The following ITPR1 variants were observed in gnomAD, a reference collection of about 807,000 sequenced individuals.
ITPR1 encodes the protein inositol 1,4,5-trisphosphate-gated calcium channel ITPR1.
Under a neutral mutation model 318.4 loss-of-function variants are expected in ITPR1, and 96 were observed. The ratio of observed to expected loss-of-function variants is 0.30; its 90% CI spans 0.26 to 0.36. ITPR1 has a LOEUF of 0.36. ITPR1 is among the 10% of genes least tolerant of loss of function. ITPR1 has a pLI of 1.00. For missense variants in ITPR1, 2,440 were observed against 3,460.2 expected, an observed-to-expected ratio of 0.71 and a Z score of 7.40; for synonymous variants, 1,312 against 1,289.9, an observed-to-expected ratio of 1.02 and a Z score of -0.37.
chr3:4,656,491 TG>T (rs2093711646), intron 12 of ITPR1, among the ~76,000 whole-genome samples: 1 of 152,192 alleles, frequency 6.6e-6, no homozygotes, highest in Non-Finnish European at 1.5e-5. Flanking sequence ...ATAAAGGGTC[TG>T]GGGTTTGTGC....
intron 13 of ITPR1, among the ~76,000 whole-genome samples, chr3:4,658,615 A>G (rs1182271627): frequency 1.3e-5 from 2 of 151,338 alleles, no homozygotes; most frequent in African/African-American, 2.4e-5. Context: ...GAGTAGAGGA[A>G]ACTAGGAAAT....
chr3:4,622,185 G>C (rs901664511), intron 4 of ITPR1, among the ~76,000 whole-genome samples: 1 of 145,632 alleles, frequency 6.9e-6, no homozygotes, highest in African/African-American at 2.6e-5. Context: ...CGTGATCTCA[G>C]CTCCCTGCAG....
At chr3:4,516,891 T>C (rs1447183239) in intron 3 of ITPR1, among the ~76,000 whole-genome samples, 1 of 152,210 alleles carries the variant, frequency 6.6e-6, no homozygotes, top group Non-Finnish European at 1.5e-5. Context: ...ACAGTTTAAA[T>C]GGAATAAAGT....
At chr3:4,706,607 G>A (rs1472571197) in intron 37 of ITPR1, among the ~76,000 whole-genome samples, 1 of 152,188 alleles carries the variant, frequency 6.6e-6, no homozygotes, top group African/African-American at 2.4e-5. Context: ...TTGGGACTCT[G>A]CTCTTATTAG....
At chr3:4,619,580 C>T (rs563520487) in intron 4 of ITPR1, among the ~76,000 whole-genome samples, 3 of 109,290 alleles carry the variant, frequency 2.7e-5, no homozygotes, top group South Asian at 7.0e-4. Context: ...TTCCCCTTCC[C>T]CCTTCCCCTG....
intron 4 of ITPR1, among the ~76,000 whole-genome samples, chr3:4,577,274 T>C (rs187227250): frequency 1.1e-4 from 17 of 152,320 alleles, no homozygotes; most frequent in African/African-American, 4.1e-4. Flanking sequence ...AGTTCTTTCA[T>C]TGTATGCAAT....
Position 4,815,985 on chromosome 3 carries a change from TACACACAC to T in ITPR1, c.7867+791_7867+798del, listed in dbSNP as rs10607666. On this transcript the variant is annotated intron_variant, in intron 59 of 61. Transcript: ENST00000649015. ...TTAATATTTTATCTCATTTGCTTTA[TACACACAC>T]ACACACACACACACACACACACATT... Among the ~76,000 whole-genome samples the T allele has an allele frequency of 2.8e-3, 421 of 149,692 alleles. 5 individuals carry two copies. Among genetic ancestry groups the T allele is most frequent in the South Asian group, 0.017 (82 of 4,704 alleles).
chr3:4,686,550 T>G (rs1412524727), intron 30 of ITPR1, among the ~76,000 whole-genome samples: 4 of 152,220 alleles, frequency 2.6e-5, no homozygotes, highest in Non-Finnish European at 5.9e-5. Context: ...TATGCCTTCA[T>G]AGAGCAGGCT....
intron 39 of ITPR1, among the ~76,000 whole-genome samples, chr3:4,714,301 C>T (rs1226676122): frequency 6.6e-6 from 1 of 151,918 alleles, no homozygotes; most frequent in African/African-American, 2.4e-5. Flanking sequence ...CTGAGGACGA[C>T]ACCACGGTGA....
At chr3:4,597,110 G>T (rs2090890238) in intron 4 of ITPR1, among the ~76,000 whole-genome samples, 1 of 152,192 alleles carries the variant, frequency 6.6e-6, no homozygotes, top group Non-Finnish European at 1.5e-5. Context: ...GCAGAAATAT[G>T]AGCCCCGTGG....
At chr3:4,529,106 C>T (rs964885715) in intron 4 of ITPR1, among the ~76,000 whole-genome samples, 10 of 152,144 alleles carry the variant, frequency 6.6e-5, no homozygotes, top group African/African-American at 2.4e-4. Context: ...CTCTGGGTAC[C>T]CTGAAAATGA....
chr3:4,567,160 T>C (rs2087385946), intron 4 of ITPR1, among the ~76,000 whole-genome samples: 1 of 152,206 alleles, frequency 6.6e-6, no homozygotes, highest in African/African-American at 2.4e-5. Context: ...TGGTCTGTAA[T>C]GTGTTCAATT....
intron 3 of ITPR1, among the ~76,000 whole-genome samples, chr3:4,518,046 T>C (rs1365647989): frequency 6.6e-6 from 1 of 152,218 alleles, no homozygotes; most frequent in Non-Finnish European, 1.5e-5. Flanking sequence ...GCAAAGTCAC[T>C]TGCCCAAGAT....
intron 4 of ITPR1, among the ~76,000 whole-genome samples, chr3:4,610,772 G>C (rs1314960112): frequency 1.3e-5 from 2 of 152,074 alleles, no homozygotes; most frequent in African/African-American, 4.8e-5. Context: ...GGTCCGCCCA[G>C]CTATGGCCTC....
At position 4,846,557 on chromosome 3, in the gene ITPR1, C is replaced by T. The variant is rs1485859311; in HGVS notation, c.*332C>T. On this transcript the variant is annotated 3_prime_UTR_variant, in exon 62 of 62. Transcript: ENST00000649015. ...ATTTTGTATTTAAAACTAGAATAGCCAGTATTTATGTTTTTTATAAAACTG... is the reference window on the plus strand; with the variant it reads ...ATTTTGTATTTAAAACTAGAATAGCTAGTATTTATGTTTTTTATAAAACTG... 1.1e-5 allele frequency: 2 copies of T among 182,160 alleles called. No individual in the cohort carries two copies. Among genetic ancestry groups the T allele is most frequent in the African/African-American group, 2.4e-5 (1 of 42,502 alleles). The allele number at this position is 182,160 out of a possible 1,614,324, so 11.3% of individuals were successfully genotyped here. A position where few individuals can be genotyped will look rare whatever the true frequency, so the allele number is the denominator to read the frequency against.
chr3:4,507,365 G>T (rs750536060), intron 2 of ITPR1, among the ~76,000 whole-genome samples: 1 of 152,148 alleles, frequency 6.6e-6, no homozygotes, highest in Non-Finnish European at 1.5e-5. Context: ...TTGAAATGTG[G>T]GGTTGTGGCA....
At chr3:4,687,306 TAC>T (rs1308795700) in intron 30 of ITPR1, among the ~76,000 whole-genome samples, 1 of 152,250 alleles carries the variant, frequency 6.6e-6, no homozygotes, top group Non-Finnish European at 1.5e-5. Flanking sequence ...AGCTAACATT[TAC>T]AGAGTAATCA....
At position 4,779,832 on chromosome 3, in the gene ITPR1, G is replaced by A. The variant is rs534882778; in HGVS notation, c.6387+187G>A. On this transcript the variant is annotated intron_variant, in intron 49 of 61. Coordinates refer to ENST00000649015, the MANE Select transcript of ITPR1 (RefSeq NM_001378452.1). This position sits in a 1 kb window ranked among gnomAD's most constrained non-coding sequence, Gnocchi z 4.0. Reference sequence around the variant, plus strand: ...TATTTTGGTTGGTGCAAAAGTAATCGCGGTTTTTGCTATTACTTTCAATGG... The same window carrying A: ...TATTTTGGTTGGTGCAAAAGTAATCACGGTTTTTGCTATTACTTTCAATGG... Among the ~76,000 whole-genome samples the A allele has an allele frequency of 6.0e-5, 9 of 150,162 alleles. No homozygotes were observed. Among genetic ancestry groups the A allele is most frequent in the East Asian group, 2.0e-4 (1 of 4,894 alleles).
intron 5 of ITPR1, among the ~76,000 whole-genome samples, chr3:4,632,723 C>T (rs774353835): frequency 7.2e-5 from 11 of 151,958 alleles, no homozygotes; most frequent in Non-Finnish European, 1.0e-4. Context: ...CAAGTCCTTT[C>T]GACACTCCTT....
Sources: gnomAD v4.1 joint callset for allele counts (sites outside exome capture counted in the v4.1 genomes callset) on GRCh38, gnomAD v4.1.1 for gene constraint, Gnocchi (gnomAD v3.1) non-coding constraint, MANE v1.5 for transcripts, NCBI Gene and HGNC (gene_info 2026-07-23, HGNC 2026-07-21) for gene names.